Variants in NFX1 observed in about 807,000 individuals in gnomAD.
NFX1 encodes nuclear transcription factor, X-box binding 1, also known as transcriptional repressor NF-X1.
Under a neutral mutation model 137.2 loss-of-function variants are expected in NFX1, and 69 were observed. That is an observed-to-expected ratio of 0.50 (90% confidence interval 0.41 to 0.61). The LOEUF (loss-of-function observed/expected upper bound fraction) is 0.61. NFX1 is among the 20% of genes least tolerant of loss of function. The pLI, the probability that NFX1 is intolerant of heterozygous loss-of-function variation, is 0.00. For synonymous variants in NFX1, 495 were observed against 474.1 expected (o/e 1.04, Z -0.57); for missense variants, 1,167 against 1,391.0 (o/e 0.84, Z 2.56).
rs1410674461 is a variant in NFX1 at position 33,301,435 on chromosome 9, C to A, written c.1192+14C>A. ...CATCTCAAGCAGGTCAATTAATTCT[C>A]TCTTCTGAGTAGTTATTCTCCCCTA... On this transcript the variant is annotated intron_variant, in intron 3 of 23. Transcript: ENST00000379540. The A allele has an allele frequency of 6.2e-7, 1 of 1,612,664 alleles. No individual in the cohort carries two copies. Among genetic ancestry groups the A allele is most frequent in the Admixed American group, 1.7e-5 (1 of 59,772 alleles).
At chr9:33,297,722 T>C (rs1267170178) in intron 2 of NFX1, among the ~76,000 whole-genome samples, 2 of 152,220 alleles carry the variant, frequency 1.3e-5, no homozygotes, top group African/African-American at 4.8e-5. Flanking sequence ...AGAGGCCACC[T>C]GTGTTTCCCT....
intron 11 of NFX1, among the ~76,000 whole-genome samples, chr9:33,338,246 T>C (rs1461780967): frequency 6.6e-6 from 1 of 151,654 alleles, no homozygotes; most frequent in Non-Finnish European, 1.5e-5. Flanking sequence ...GCCCAGCTAC[T>C]TGGGAGGCTG....
chr9:33,328,483 A>G (rs910312678), intron 9 of NFX1, 98 bp from the exon 10 acceptor site: 2 of 775,316 alleles, frequency 2.6e-6, no homozygotes, highest in Non-Finnish European at 4.4e-6. Flanking sequence ...CTGGAGTTGC[A>G]GGGCATGGAG....
intron 3 of NFX1, among the ~76,000 whole-genome samples, chr9:33,302,932 C>T (rs530933378): frequency 4.8e-5 from 7 of 147,274 alleles, no homozygotes; most frequent in Admixed American, 6.9e-5. Context: ...CTTCACAAAG[C>T]GCTGGGATTA....
rs1822040904 is a variant in NFX1 at position 33,313,509 on chromosome 9, G to A, written c.1449-145G>A. On this transcript the variant is annotated intron_variant, in intron 6 of 23. Coordinates refer to ENST00000379540, the MANE Select transcript of NFX1 (RefSeq NM_002504.6). ...AATTGAGAAAATAAGAATTGGAGGA[G>A]GGAGACATAGGAAAAAGTGAGGGAA... 4 of 658,956 alleles carry A rather than the reference G, an allele frequency of 6.1e-6. No individual in the cohort carries two copies. The South Asian group carries it at 8.1e-5, about 13-fold the overall frequency. 40.8% of individuals were successfully genotyped at this position (658,956 alleles called of 1,614,324 possible).
At chr9:33,351,896 C>A in intron 16 of NFX1, 106 bp downstream of exon 16, 2 of 983,380 alleles carry the variant, frequency 2.0e-6, no homozygotes, top group Non-Finnish European at 2.9e-6. Flanking sequence ...AATTAAGGGT[C>A]ATTGGTTGCA....
intron 2 of NFX1, among the ~76,000 whole-genome samples, chr9:33,297,491 C>T (rs552002652): frequency 1.3e-5 from 2 of 152,340 alleles, no homozygotes; most frequent in East Asian, 3.9e-4. Flanking sequence ...TGATAACACA[C>T]ATTTACTATG....
intron 12 of NFX1, among the ~76,000 whole-genome samples, chr9:33,342,128 T>TCTCACACACACA (rs553375106): frequency 1.4e-5 from 2 of 146,086 alleles, no homozygotes; most frequent in African/African-American, 5.0e-5. Context: ...TCTCTCTCTC[T>TCTCACACACACA]CACACACACA....
rs577890526 is a variant in NFX1 at position 33,293,987 on chromosome 9, G to T, written c.26-433G>T. Among the ~76,000 whole-genome samples the T allele has an allele frequency of 2.3e-4, 35 of 152,326 alleles. 1 individual carries two copies. The South Asian group carries it at 3.1e-3, about 14-fold the overall frequency. On this transcript the variant is annotated intron_variant, in intron 1 of 23. Transcript: ENST00000379540. ...TAAGTTCATACAATAAGTTGGACAG[G>T]TGGACTTTAACCCATTTTGGCTTAG...
At chr9:33,365,083 G>A in intron 21 of NFX1, 1 of 760,028 alleles carries the variant, frequency 1.3e-6, no homozygotes, top group Non-Finnish European at 1.7e-6. Flanking sequence ...AGATCAGCTT[G>A]GCCAACATGA....
intron 12 of NFX1, among the ~76,000 whole-genome samples, chr9:33,341,270 A>AGG (rs1823209612): frequency 6.6e-6 from 1 of 152,202 alleles, no homozygotes; most frequent in South Asian, 2.1e-4. Context: ...CAGCAGGCAG[A>AGG]GGGAGAGAGC....
chr9:33,367,949 C>T (rs1230787319), intron 23 of NFX1, among the ~76,000 whole-genome samples: 4 of 152,070 alleles, frequency 2.6e-5, no homozygotes, highest in Non-Finnish European at 5.9e-5. Context: ...AATAGTTACT[C>T]TGGGCCGGGC....
intron 11 of NFX1, among the ~76,000 whole-genome samples, chr9:33,336,632 G>A (rs1379242762): frequency 6.6e-6 from 1 of 151,982 alleles, no homozygotes; most frequent in Admixed American, 6.6e-5. Context: ...TTAAGACAGG[G>A]TCTCTGTCAC....
chr9:33,301,749 A>G (rs1423167478), intron 3 of NFX1, among the ~76,000 whole-genome samples: 1 of 147,614 alleles, frequency 6.8e-6, no homozygotes, highest in Non-Finnish European at 1.5e-5. Flanking sequence ...TTGCAGGATC[A>G]TATGGTAATT....
chr9:33,331,853 T>G (rs1397385553), intron 10 of NFX1, among the ~76,000 whole-genome samples: 1 of 152,216 alleles, frequency 6.6e-6, no homozygotes, highest in African/African-American at 2.4e-5. Flanking sequence ...AGTGACTGAC[T>G]TCCTTCCCAC....
At chr9:33,322,248 C>G (rs1251425664) in intron 9 of NFX1, among the ~76,000 whole-genome samples, 1 of 151,470 alleles carries the variant, frequency 6.6e-6, no homozygotes, top group East Asian at 1.9e-4. Flanking sequence ...GAGCATACCT[C>G]AAATGAAGAC....
intron 1 of NFX1, among the ~76,000 whole-genome samples, chr9:33,292,021 G>T (rs1438148889): frequency 6.6e-6 from 1 of 152,178 alleles, no homozygotes; most frequent in Non-Finnish European, 1.5e-5. Context: ...TCCTCACCTA[G>T]TCCTTCACCA....
rs1457622299 is a variant in NFX1 at position 33,332,397 on chromosome 9, C to T, written c.2005-75C>T. On this transcript the variant is annotated intron_variant, in intron 10 of 23. Coordinates refer to ENST00000379540, the MANE Select transcript of NFX1 (RefSeq NM_002504.6). ...GGGATATTTGGGATATTCTTGTTACCTATGGCATTATATTATAGTTGTATT... is the reference window on the plus strand; with the variant it reads ...GGGATATTTGGGATATTCTTGTTACTTATGGCATTATATTATAGTTGTATT... 3.7e-6 allele frequency: 5 copies of T among 1,368,854 alleles called. No individual in the cohort carries two copies. The African/African-American group carries it at 4.3e-5, about 12-fold the overall frequency. The allele number at this position is 1,368,854 out of a possible 1,614,324, so 84.8% of individuals were successfully genotyped here.
At chr9:33,362,756 TGCAATGGCGCTA>T (rs1685790711) in intron 19 of NFX1, among the ~76,000 whole-genome samples, 1 of 143,756 alleles carries the variant, frequency 7.0e-6, no homozygotes, top group Non-Finnish European at 1.5e-5. Context: ...CAGGCTGTAG[TGCAATGGCGCTA>T]TCTCAGCTCA....
Sources: gnomAD v4.1 joint callset for allele counts (sites outside exome capture counted in the v4.1 genomes callset) on GRCh38, gnomAD v4.1.1 for gene constraint, MANE v1.5 for transcripts, NCBI Gene and HGNC (gene_info 2026-07-23, HGNC 2026-07-21) for gene names.